MBD2: variants seen among roughly 807,000 people sequenced by gnomAD.
The protein encoded by MBD2 is methyl-CpG-binding domain protein 2.
In MBD2, 9 loss-of-function variants were observed where a neutral mutation model predicts 39.3. That is an observed-to-expected ratio of 0.23 (90% CI 0.14 to 0.40). MBD2 has a LOEUF of 0.40. MBD2 is among the 10% of genes least tolerant of loss of function. The pLI, the probability that MBD2 is intolerant of heterozygous loss-of-function variation, is 1.00. For missense variants in MBD2, 458 were observed against 532.6 expected (o/e 0.86, Z 1.38); for synonymous variants, 233 against 211.1 (o/e 1.10, Z -0.90).
intron 2 of MBD2, among the ~76,000 whole-genome samples, chr18:54,196,235 C>T (rs2086365695): frequency 6.6e-6 from 1 of 151,982 alleles, no homozygotes; most frequent in South Asian, 2.1e-4. Flanking sequence ...ATATGGGTAA[C>T]AAGATTTTTT....
Position 54,159,782 on chromosome 18 carries a change from C to T in MBD2, c.1231G>A (p.Ala411Thr), listed in dbSNP as rs1464129893. The change falls in exon 6 of 7, where the codon GCC becomes ACC. Residue 411 changes from alanine to threonine, a missense_variant. Physicochemically the swap from Ala to Thr is moderately conservative, Grantham distance 58 (BLOSUM62 0). Coordinates refer to ENST00000256429, the MANE Select transcript of MBD2 (RefSeq NM_003927.5). ...CAGTTTACCTGATCATATTCTTAGG[C>T]TTCATCTCCACTGTCCATTTCAATA... Reference protein sequence around the residue: ...MDIEMDSGDEA With the variant: ...MDIEMDSGDET The T allele has an allele frequency of 6.2e-6, 10 of 1,609,912 alleles. 1 individual carries two copies. Among genetic ancestry groups the T allele is most frequent in the South Asian group, 3.3e-5 (3 of 91,086 alleles).
At chr18:54,169,497 T>C (rs900731537) in intron 3 of MBD2, among the ~76,000 whole-genome samples, 2 of 152,246 alleles carry the variant, frequency 1.3e-5, no homozygotes, top group Non-Finnish European at 2.9e-5. Flanking sequence ...AGGTTTTTCT[T>C]TGGCGATTCT....
intron 1 of MBD2, among the ~76,000 whole-genome samples, chr18:54,208,441 G>A (rs556386905): frequency 5.9e-5 from 9 of 152,146 alleles, no homozygotes; most frequent in South Asian, 2.1e-4. Context: ...GCGGCAAGCC[G>A]AGATGGCGCC....
rs948981162 is a variant in MBD2, at chr18:54,222,929, T to C, written c.542+1089A>G. 3.3e-5 allele frequency among the ~76,000 whole-genome samples: 5 copies of C among 152,356 alleles called. No individual in the cohort carries two copies. The South Asian group carries it at 1.0e-3, about 32-fold the overall frequency. The stretch of plus-strand genomic sequence containing the variant: ...AAGCATGGTATGTGTACAGACACAT[T>C]TTCCCAGAGCTACTTGAAGAGGACA... On this transcript the variant is annotated intron_variant, in intron 1 of 6. Coordinates refer to ENST00000256429, the MANE Select transcript of MBD2 (RefSeq NM_003927.5).
intron 2 of MBD2, among the ~76,000 whole-genome samples, chr18:54,191,693 A>T (rs940916341): frequency 6.6e-6 from 1 of 152,200 alleles, no homozygotes; most frequent in African/African-American, 2.4e-5. Context: ...ATAATCTGAC[A>T]ATTATTACAA....
chr18:54,175,189 A>G (rs1361995760), intron 3 of MBD2, among the ~76,000 whole-genome samples: 1 of 152,244 alleles, frequency 6.6e-6, no homozygotes, highest in African/African-American at 2.4e-5. Flanking sequence ...CTGAACTTCA[A>G]TAATGAAACT....
chr18:54,190,437 G>C (rs1474833826), intron 2 of MBD2, among the ~76,000 whole-genome samples: 1 of 152,212 alleles, frequency 6.6e-6, no homozygotes, highest in Non-Finnish European at 1.5e-5. Context: ...CCTGTGATGG[G>C]ATGGGGTGCT....
At chr18:54,208,335 AT>A (rs2086468990) in intron 1 of MBD2, among the ~76,000 whole-genome samples, 1 of 151,866 alleles carries the variant, frequency 6.6e-6, no homozygotes, top group African/African-American at 2.4e-5. Flanking sequence ...TCTACTAAAA[AT>A]ACAAAATTAG....
chr18:54,197,764 A>G (rs1408992693), intron 2 of MBD2, among the ~76,000 whole-genome samples: 1 of 152,156 alleles, frequency 6.6e-6, no homozygotes, highest in African/African-American at 2.4e-5. Flanking sequence ...CAAAATCATC[A>G]TCATCATACT....
chr18:54,207,017 C>T (rs529337167), intron 1 of MBD2, among the ~76,000 whole-genome samples: 1 of 152,300 alleles, frequency 6.6e-6, no homozygotes, highest in Non-Finnish European at 1.5e-5. Flanking sequence ...GCTAGAAGGC[C>T]ACATCACAAT....
At chr18:54,202,903 G>A (rs1045514828) in intron 2 of MBD2, 18 of 1,123,656 alleles carry the variant, frequency 1.6e-5, no homozygotes, top group Non-Finnish European at 2.5e-5. Context: ...GCATTATGGA[G>A]GAAAGGATTG....
At chr18:54,177,233 A>ATTAT (rs1042894027) in intron 3 of MBD2, among the ~76,000 whole-genome samples, 11 of 152,318 alleles carry the variant, frequency 7.2e-5, no homozygotes, top group South Asian at 4.1e-4. Context: ...TATACTTGGA[A>ATTAT]TTATTTGCTC....
intron 3 of MBD2, among the ~76,000 whole-genome samples, chr18:54,168,613 T>TTGTGTGTGTGTGTG (rs60604906): frequency 8.5e-6 from 1 of 117,124 alleles, no homozygotes; most frequent in East Asian, 2.2e-4. Context: ...GTATGCATAT[T>TTGTGTGTGTGTGTG]TGTGTGTGTG....
chr18:54,172,906 C>T (rs1331233483), intron 3 of MBD2, among the ~76,000 whole-genome samples: 3 of 152,278 alleles, frequency 2.0e-5, no homozygotes, highest in East Asian at 3.9e-4. Flanking sequence ...AATGAGGAAG[C>T]GTTATAAACA....
intron 3 of MBD2, among the ~76,000 whole-genome samples, chr18:54,186,928 T>C (rs1339463199): frequency 6.6e-6 from 1 of 152,210 alleles, no homozygotes; most frequent in African/African-American, 2.4e-5. Flanking sequence ...CATTTGAGAA[T>C]AATCTCATAC....
chr18:54,159,712 G>T, intron 6 of MBD2, 53 bp downstream of exon 6: 1 of 1,580,884 alleles, frequency 6.3e-7, no homozygotes, highest in Non-Finnish European at 8.6e-7. Context: ...CACTATGTCC[G>T]GCCAAGAAAA....
chr18:54,208,968 T>C (rs890057649), intron 1 of MBD2, among the ~76,000 whole-genome samples: 2 of 152,128 alleles, frequency 1.3e-5, no homozygotes, highest in Admixed American at 6.5e-5. Flanking sequence ...TTAACACGGC[T>C]TCATATTATT....
intron 3 of MBD2, among the ~76,000 whole-genome samples, chr18:54,171,279 TA>T (rs2086177855): frequency 6.6e-6 from 1 of 152,034 alleles, no homozygotes; most frequent in South Asian, 2.1e-4. Flanking sequence ...CGCATGCCTG[TA>T]ATGCTACTCA....
At chr18:54,217,370 G>C (rs539158094) in intron 1 of MBD2, among the ~76,000 whole-genome samples, 24 of 152,062 alleles carry the variant, frequency 1.6e-4, no homozygotes, top group African/African-American at 5.8e-4. Context: ...TCCTTGGGAA[G>C]TTTTAGTTTT....
Sources: gnomAD v4.1 joint callset for allele counts (sites outside exome capture counted in the v4.1 genomes callset) on GRCh38, gnomAD v4.1.1 for gene constraint, MANE v1.5 for transcripts, NCBI Gene and HGNC (gene_info 2026-07-23, HGNC 2026-07-21) for gene names.